The following ARHGEF26 variants were observed in gnomAD, a reference collection of about 807,000 sequenced individuals.
The protein encoded by ARHGEF26 is Rho guanine nucleotide exchange factor (GEF) 26.
Under a neutral mutation model 89.4 loss-of-function variants are expected in ARHGEF26, and 59 were observed. The observed-to-expected ratio is 0.66, with a 90% CI of 0.54 to 0.82. The LOEUF is 0.82. ARHGEF26 is among the 40% of genes least tolerant of loss of function. ARHGEF26 has a pLI of 0.00. For synonymous variants in ARHGEF26, 500 were observed against 428.4 expected (o/e 1.17, Z -2.06); for missense variants, 1,234 against 1,085.6 (o/e 1.14, Z -1.92).
chr3:154,240,703 C>T (rs553099035), intron 12 of ARHGEF26, 124 bp downstream of exon 12: 23 of 779,330 alleles, frequency 3.0e-5, no homozygotes, highest in Middle Eastern at 3.7e-4. Context: ...ACCTACTGTT[C>T]GCTAAGCACT....
Position 154,256,766 on chromosome 3 carries a change from C to G in ARHGEF26, c.*1293C>G. ...ATGGTACCCAATTGAAACCTTTTGA[C>G]CTTAGTGGGAATTCATTCTATTTGC... On this transcript the variant is annotated 3_prime_UTR_variant, in exon 15 of 15. Transcript: ENST00000465093. The G allele has an allele frequency of 6.9e-7, 1 of 1,452,868 alleles. No homozygotes were observed. Among genetic ancestry groups the G allele is most frequent in the Non-Finnish European group, 9.0e-7 (1 of 1,110,660 alleles). The allele number at this position is 1,452,868 out of a possible 1,614,324, so 90.0% of individuals were successfully genotyped here. A position where few individuals can be genotyped will look rare whatever the true frequency, so the allele number is the denominator to read the frequency against.
chr3:154,155,891 C>T (rs968621059), intron 6 of ARHGEF26, among the ~76,000 whole-genome samples: 6 of 151,648 alleles, frequency 4.0e-5, no homozygotes, highest in Non-Finnish European at 7.4e-5. Context: ...ATATAATGTA[C>T]GATTATTTAA....
intron 11 of ARHGEF26, among the ~76,000 whole-genome samples, chr3:154,235,811 C>G (rs941602113): frequency 6.6e-6 from 1 of 152,178 alleles, no homozygotes; most frequent in Non-Finnish European, 1.5e-5. Flanking sequence ...CACCCTCAGC[C>G]CTTCTTCCTC....
At position 154,149,518 on chromosome 3, in the gene ARHGEF26, C is replaced by T. The variant is rs572447554; in HGVS notation, c.1326+73C>T. 1.8e-5 allele frequency: 24 copies of T among 1,315,776 alleles called. No individual in the cohort carries two copies. The South Asian group carries it at 3.4e-4, about 19-fold the overall frequency. 81.5% of individuals were successfully genotyped at this position (1,315,776 alleles called of 1,614,324 possible). A position where few individuals can be genotyped will look rare whatever the true frequency, so the allele number is the denominator to read the frequency against. ...CGGTGTCTGCTTTTTTGTGTTTTCA[C>T]TTACTGTGTGCACTTGTTTAGTGTT... On this transcript the variant is annotated intron_variant, in intron 5 of 14. Coordinates refer to ENST00000465093, the MANE Select transcript of ARHGEF26 (RefSeq NM_015595.4).
intron 6 of ARHGEF26, among the ~76,000 whole-genome samples, chr3:154,178,724 T>G (rs1576742079): frequency 2.0e-5 from 3 of 152,192 alleles, no homozygotes; most frequent in African/African-American, 7.2e-5. Flanking sequence ...GATTTTTATT[T>G]CCCTCGGGTA....
chr3:154,257,213 G>C lies in ARHGEF26; in HGVS notation c.*1740G>C. ...ACCCTTGGATTGCTCTTTTTGACCT[G>C]TGCATACCTTCTAATTGTAAAATAT... On this transcript the variant is annotated 3_prime_UTR_variant, in exon 15 of 15. Coordinates refer to ENST00000465093, the MANE Select transcript of ARHGEF26 (RefSeq NM_015595.4). 1 of 338,094 alleles carries C rather than the reference G, an allele frequency of 3.0e-6. No homozygotes were observed. The highest frequency in any genetic ancestry group is 5.3e-6 in the Non-Finnish European group (1 of 188,356). 20.9% of individuals were successfully genotyped at this position (338,094 alleles called of 1,614,324 possible).
chr3:154,139,636 A>G (rs1193189725), intron 4 of ARHGEF26, among the ~76,000 whole-genome samples: 1 of 152,124 alleles, frequency 6.6e-6, no homozygotes, highest in African/African-American at 2.4e-5. Flanking sequence ...AGATAGGGCT[A>G]TTTCTCAGGG....
In ARHGEF26 at chr3:154,256,108, T is replaced by A. The variant is rs551558336; in HGVS notation, c.*635T>A. ...GTAGAAAGCCTTACTTTAGGATTTT[T>A]AAAAAAAAATCCATCTCACCCCATA... On this transcript the variant is annotated 3_prime_UTR_variant, in exon 15 of 15. Coordinates refer to ENST00000465093, the MANE Select transcript of ARHGEF26 (RefSeq NM_015595.4). 6.1e-5 allele frequency: 60 copies of A among 976,286 alleles called. No homozygotes were observed. The highest frequency in any genetic ancestry group is 1.1e-4 in the East Asian group (1 of 8,758). The allele number at this position is 976,286 out of a possible 1,614,324, so 60.5% of individuals were successfully genotyped here.
intron 9 of ARHGEF26, among the ~76,000 whole-genome samples, chr3:154,195,376 G>T (rs865834954): frequency 2.0e-5 from 3 of 152,162 alleles, no homozygotes. Flanking sequence ...GCTGTTGGGG[G>T]CCTGATCGTA....
Position 154,194,640 on chromosome 3 carries a change from A to G in ARHGEF26, c.1771-4A>G, listed in dbSNP as rs1196969966. On this transcript the variant is annotated splice_polypyrimidine_tract_variant and splice_region_variant and intron_variant, in intron 8 of 14. Coordinates refer to ENST00000465093, the MANE Select transcript of ARHGEF26 (RefSeq NM_015595.4). ...AAATTTTGTTCACTTTTATTTCATT[A>G]CAGACTATCTGTCAAAAAACACCTA... 3.7e-6 allele frequency: 6 copies of G among 1,606,022 alleles called. No homozygotes were observed. The highest frequency in any genetic ancestry group is 1.3e-5 in the African/African-American group (1 of 74,914).
intron 6 of ARHGEF26, among the ~76,000 whole-genome samples, chr3:154,168,438 G>T (rs183074593): frequency 1.3e-5 from 2 of 152,084 alleles, no homozygotes; most frequent in Non-Finnish European, 2.9e-5. Flanking sequence ...TTAGCCAGGC[G>T]TGGTGGCACA....
chr3:154,185,097 C>T (rs1338727012), intron 6 of ARHGEF26, among the ~76,000 whole-genome samples: 1 of 152,154 alleles, frequency 6.6e-6, no homozygotes, highest in Non-Finnish European at 1.5e-5. Flanking sequence ...TCACTCTGCC[C>T]TCTGGAGTTT....
intron 7 of ARHGEF26, among the ~76,000 whole-genome samples, chr3:154,188,789 G>C (rs1713754491): frequency 4.6e-5 from 7 of 152,186 alleles, no homozygotes. Flanking sequence ...GAGAAGGGCT[G>C]ATGATGGCCC....
chr3:154,131,580 T>C (rs1425280080), intron 4 of ARHGEF26, among the ~76,000 whole-genome samples: 2 of 152,186 alleles, frequency 1.3e-5, no homozygotes, highest in African/African-American at 4.8e-5. Flanking sequence ...TCTAAATGGC[T>C]GTCATTCAGT....
intron 4 of ARHGEF26, among the ~76,000 whole-genome samples, chr3:154,138,242 A>ATT (rs11398634): frequency 5.9e-5 from 9 of 152,036 alleles, no homozygotes; most frequent in South Asian, 2.1e-4. Flanking sequence ...ATACATGTAA[A>ATT]TTTTTTTAAT....
chr3:154,168,760 T>C (rs1263398781), intron 6 of ARHGEF26, among the ~76,000 whole-genome samples: 6 of 152,156 alleles, frequency 3.9e-5, no homozygotes, highest in Admixed American at 1.3e-4. Context: ...CAAATAAAAA[T>C]GGTTTCTTAT....
At chr3:154,195,570 T>C (rs1293293637) in intron 9 of ARHGEF26, among the ~76,000 whole-genome samples, 1 of 152,124 alleles carries the variant, frequency 6.6e-6, no homozygotes, top group African/African-American at 2.4e-5. Context: ...GGTGAGCACA[T>C]TTCAGGACAG....
At chr3:154,147,898 C>T (rs1348581755) in intron 4 of ARHGEF26, among the ~76,000 whole-genome samples, 1 of 152,112 alleles carries the variant, frequency 6.6e-6, no homozygotes, top group East Asian at 1.9e-4. Context: ...TTTGCTCTCT[C>T]TCAGTCTTCT....
intron 7 of ARHGEF26, among the ~76,000 whole-genome samples, chr3:154,189,871 TA>T (rs1713840162): frequency 3.3e-5 from 5 of 152,054 alleles, no homozygotes; most frequent in Admixed American, 3.3e-4. Flanking sequence ...TTGTCAAAGC[TA>T]TCAGTAAAAG....
Sources: allele counts gnomAD v4.1 joint callset (sites outside exome capture counted in the v4.1 genomes callset), GRCh38; gene constraint gnomAD v4.1.1; transcripts MANE v1.5; gene names NCBI Gene and HGNC (gene_info 2026-07-23, HGNC 2026-07-21).